The following ATF7 variants were observed in gnomAD, a reference collection of about 807,000 sequenced individuals.
ATF7 encodes the protein activating transcription factor 7, also known as cyclic AMP-dependent transcription factor ATF-7.
A neutral mutation model predicts 50.4 loss-of-function variants in ATF7; 10 were observed. That is an observed-to-expected ratio of 0.20 (90% CI 0.12 to 0.34). The LOEUF is 0.34. Among genes scored for constraint, ATF7 ranks in the 10% least tolerant of loss-of-function variants. The pLI, the probability that ATF7 is intolerant of heterozygous loss-of-function variation, is 1.00. For missense variants in ATF7, 465 were observed against 613.9 expected (o/e 0.76, Z 2.56); for synonymous variants, 201 against 226.4 (o/e 0.89, Z 1.01).
intron 2 of ATF7, among the ~76,000 whole-genome samples, chr12:53,576,275 C>G (rs1363942530): frequency 6.6e-6 from 1 of 152,136 alleles, no homozygotes; most frequent in East Asian, 1.9e-4. Context: ...TTAGACGGCA[C>G]AGCAGTCTAG....
At chr12:53,529,737 A>T (rs1016001923) in intron 9 of ATF7, among the ~76,000 whole-genome samples, 3 of 148,752 alleles carry the variant, frequency 2.0e-5, no homozygotes, top group African/African-American at 7.4e-5. Context: ...ACACACACAT[A>T]TATATATGTT....
chr12:53,555,310 A>C lies in ATF7; in HGVS notation c.49-2673T>G, dbSNP rs1174923739. Among the ~76,000 whole-genome samples the C allele has an allele frequency of 6.7e-5, 10 of 149,300 alleles. No individual in the cohort carries two copies. In the Admixed American group the frequency reaches 6.7e-4, roughly 10 times the overall value. On this transcript the variant is annotated intron_variant, in intron 2 of 11. Coordinates refer to ENST00000420353, the MANE Select transcript of ATF7 (RefSeq NM_006856.3). The stretch of plus-strand genomic sequence containing the variant: ...ATTGCACTCCAGCCTGGGCAACAAC[A>C]GTGAAACTCCATCTCAAAAAAAAAA...
intron 2 of ATF7, among the ~76,000 whole-genome samples, chr12:53,587,692 G>T (rs1205350288): frequency 6.7e-6 from 1 of 149,542 alleles, no homozygotes; most frequent in African/African-American, 2.5e-5. Context: ...AAAGGAAAAT[G>T]GGAAAATGTA....
chr12:53,611,134 C>T (rs1432740056), intron 1 of ATF7, among the ~76,000 whole-genome samples: 1 of 151,956 alleles, frequency 6.6e-6, no homozygotes, highest in Non-Finnish European at 1.5e-5. Context: ...AGCTAATATT[C>T]ACATTTTTAA....
At chr12:53,612,897 G>C (rs973606939) in intron 1 of ATF7, among the ~76,000 whole-genome samples, 1 of 152,012 alleles carries the variant, frequency 6.6e-6, no homozygotes, top group Admixed American at 6.6e-5. Context: ...CCTGCTACTC[G>C]GGAGGCTGAG....
In ATF7 at chr12:53,533,241, G is replaced by A. The variant is rs1939012673; in HGVS notation, c.579C>T (p.Leu193=). 2 of 1,613,528 alleles carry A rather than the reference G, an allele frequency of 1.2e-6. No individual in the cohort carries two copies. Among genetic ancestry groups the A allele is most frequent in the East Asian group, 2.2e-5 (1 of 44,886 alleles). Residue 193 remains leucine (L), a synonymous_variant, in exon 7 of 12, where the codon CTC becomes CTT. Transcript: ENST00000420353. ...CATTAGCAAGATGCATGACAAGAGG[G>A]AGGGAGCCAGTGGGAGACCTAGAGG... ...NRQMGSPTGS[L]PLVMHLANGQ... is the part of the protein sequence containing the mutation.
At chr12:53,569,184 T>A (rs899797306) in intron 2 of ATF7, among the ~76,000 whole-genome samples, 2 of 148,658 alleles carry the variant, frequency 1.3e-5, no homozygotes, top group East Asian at 2.0e-4. Context: ...TTAAAAAAAA[T>A]AAAAAATAAA....
Position 53,516,905 on chromosome 12 carries a change from C to T in ATF7, c.*232G>A, listed in dbSNP as rs1937738313. 1 of 575,172 alleles carries T rather than the reference C, an allele frequency of 1.7e-6. No individual in the cohort carries two copies. The highest frequency in any genetic ancestry group is 3.1e-6 in the Non-Finnish European group (1 of 322,432). 35.6% of individuals were successfully genotyped at this position (575,172 alleles called of 1,614,324 possible). On this transcript the variant is annotated 3_prime_UTR_variant, in exon 12 of 12. Coordinates refer to ENST00000420353, the MANE Select transcript of ATF7 (RefSeq NM_006856.3). ...CTTTGGCTGTGGATGCATCAGAAAC[C>T]CCACCCTGGGGGATGATCTATGAGG...
At chr12:53,588,537 A>G (rs945924357) in intron 2 of ATF7, among the ~76,000 whole-genome samples, 1 of 152,190 alleles carries the variant, frequency 6.6e-6, no homozygotes, top group Admixed American at 6.5e-5. Context: ...AAAAGCCCCA[A>G]TTACTACATG....
Position 53,524,654 on chromosome 12 carries a change from T to C in ATF7, c.1035A>G (p.Ala345=), listed in dbSNP as rs2229306. 2.8e-3 allele frequency: 4,506 copies of C among 1,613,790 alleles called. 100 individuals are homozygous for C. In the African/African-American group the frequency reaches 0.054, roughly 19 times the overall value. ...TTCGCTTTTGGCGGCAGCGGGAGGC[T>C]GCAGCCCGGTTGCGCTCCAGAAAGC... ...RQRFLERNRA[A]ASRCRQKRKL... The change falls in exon 10 of 12, where the codon GCA becomes GCG. Residue 345 remains alanine, a synonymous_variant. Coordinates refer to ENST00000420353, the MANE Select transcript of ATF7 (RefSeq NM_006856.3). The surrounding 1 kb of genome is among the most constrained non-coding windows in gnomAD (Gnocchi z 4.6).
chr12:53,531,264 T>C (rs1938864936), intron 9 of ATF7, among the ~76,000 whole-genome samples: 1 of 151,628 alleles, frequency 6.6e-6, no homozygotes, highest in Non-Finnish European at 1.5e-5. Flanking sequence ...CTACTAAAAA[T>C]ACAAAAAATT....
At chr12:53,549,506 C>T (rs1354888759) in intron 3 of ATF7, among the ~76,000 whole-genome samples, 4 of 151,922 alleles carry the variant, frequency 2.6e-5, no homozygotes, top group Non-Finnish European at 5.9e-5. Flanking sequence ...TGAGTTCAAG[C>T]GACTCTCCTG....
At chr12:53,584,843 C>T (rs749674926) in intron 2 of ATF7, among the ~76,000 whole-genome samples, 6 of 152,246 alleles carry the variant, frequency 3.9e-5, no homozygotes, top group South Asian at 2.1e-4. Context: ...GGCAAAACTA[C>T]GGAGACAGTA....
At chr12:53,570,736 C>CGTGTGTGTGTGTGTGT (rs57842916) in intron 2 of ATF7, among the ~76,000 whole-genome samples, 1 of 143,578 alleles carries the variant, frequency 7.0e-6, no homozygotes, top group Admixed American at 7.0e-5. Context: ...CTCCTGTGTG[C>CGTGTGTGTGTGTGTGT]GTGTGTGTGT....
rs544182756 is a variant in ATF7 at position 53,597,175 on chromosome 12, C to G, written c.48+3778G>C. Among the ~76,000 whole-genome samples the G allele has an allele frequency of 2.0e-5, 3 of 152,238 alleles. No individual in the cohort carries two copies. The East Asian group carries it at 5.8e-4, about 29-fold the overall frequency. The stretch of plus-strand genomic sequence containing the variant: ...TCCGCTAAGAATGCAGACAGCACAA[C>G]CTTCAGCAGCGTTTTTTTTTTAAGC... On this transcript the variant is annotated intron_variant, in intron 2 of 11. Coordinates refer to ENST00000420353, the MANE Select transcript of ATF7 (RefSeq NM_006856.3).
intron 1 of ATF7, among the ~76,000 whole-genome samples, chr12:53,608,617 A>T (rs2137866880): frequency 6.6e-6 from 1 of 152,330 alleles, no homozygotes; most frequent in South Asian, 2.1e-4. Flanking sequence ...CAGGTACCGA[A>T]TACCTTTCAG....
At chr12:53,525,756 T>C (rs1938413164) in intron 9 of ATF7, among the ~76,000 whole-genome samples, 3 of 152,204 alleles carry the variant, frequency 2.0e-5, no homozygotes, top group African/African-American at 7.2e-5. Context: ...ATCATCCCTT[T>C]CTGTTAGTTG....
rs117233458 is a variant in ATF7 at position 53,575,682 on chromosome 12, T to C, written c.49-23045A>G. The C allele has an allele frequency of 1.3e-3, 202 of 154,382 alleles. 3 individuals are homozygous for C. In the East Asian group the frequency reaches 0.028, roughly 21 times the overall value. The allele number at this position is 154,382 out of a possible 1,614,324, so 9.6% of individuals were successfully genotyped here. ...CATTACTCTTGCACCAGAATATACATGCAGGAGGGAAGTCCTATGTGTGCA... is the reference window on the plus strand; with the variant it reads ...CATTACTCTTGCACCAGAATATACACGCAGGAGGGAAGTCCTATGTGTGCA... On this transcript the variant is annotated intron_variant, in intron 2 of 11. Transcript: ENST00000420353.
intron 2 of ATF7, among the ~76,000 whole-genome samples, chr12:53,594,713 C>T (rs746786438): frequency 4.3e-4 from 65 of 152,020 alleles, no homozygotes; most frequent in Non-Finnish European, 4.1e-4. Context: ...CATGGCGACA[C>T]CCCATTTCTA....
Sources: allele counts gnomAD v4.1 joint callset (sites outside exome capture counted in the v4.1 genomes callset), GRCh38; gene constraint gnomAD v4.1.1; non-coding constraint Gnocchi (gnomAD v3.1); transcripts MANE v1.5; gene names NCBI Gene and HGNC (gene_info 2026-07-23, HGNC 2026-07-21).